TANC2: variants seen among roughly 807,000 people sequenced by gnomAD.
The protein encoded by TANC2 is protein TANC2.
A neutral mutation model predicts 210.5 loss-of-function variants in TANC2; 26 were observed. That is an observed-to-expected ratio of 0.12 (90% CI 0.09 to 0.17). The LOEUF (loss-of-function observed/expected upper bound fraction) is 0.17, where lower values mean the gene tolerates loss of function less well. TANC2 is among the 10% of genes least tolerant of loss of function. The pLI is 1.00. For missense variants in TANC2, 2,129 were observed against 2,608.9 expected, an observed-to-expected ratio of 0.82 and a Z score of 4.01; for synonymous variants, 931 against 967.1, an observed-to-expected ratio of 0.96 and a Z score of 0.69.
intron 9 of TANC2, among the ~76,000 whole-genome samples, chr17:63,282,892 A>T (rs562149116): frequency 6.6e-6 from 1 of 152,076 alleles, no homozygotes; most frequent in South Asian, 2.1e-4. Flanking sequence ...TTGATTTACA[A>T]ATATTTTTTC....
chr17:63,134,448 A>C (rs2039021928), intron 4 of TANC2, among the ~76,000 whole-genome samples: 1 of 152,208 alleles, frequency 6.6e-6, no homozygotes. Context: ...TAGGCCACTT[A>C]GCTTAAAGAT....
chr17:62,987,236 G>A (rs1054644446), intron 1 of TANC2, among the ~76,000 whole-genome samples: 2 of 152,110 alleles, frequency 1.3e-5, no homozygotes, highest in African/African-American at 4.8e-5. Context: ...CCTGGGCCCC[G>A]ACTTTGTGCT....
chr17:62,971,747 C>T (rs1165082595), intron 1 of TANC2, among the ~76,000 whole-genome samples: 3 of 152,236 alleles, frequency 2.0e-5, no homozygotes, highest in African/African-American at 7.2e-5. Flanking sequence ...GTGTGAGCAC[C>T]TCCTCCTGTC....
chr17:63,340,053 G>C (rs374200128), intron 11 of TANC2, 48 bp from the exon 12 acceptor site: 2 of 1,359,096 alleles, frequency 1.5e-6, no homozygotes, highest in Non-Finnish European at 2.1e-6. Flanking sequence ...CATAGCTATT[G>C]CTCTTACTAC....
chr17:63,146,345 A>C (rs2039462759), intron 4 of TANC2, among the ~76,000 whole-genome samples: 1 of 152,042 alleles, frequency 6.6e-6, no homozygotes, highest in South Asian at 2.1e-4. Context: ...TCTTCTGCAA[A>C]CAGATAATTT....
intron 14 of TANC2, among the ~76,000 whole-genome samples, chr17:63,373,848 G>A (rs2047342576): frequency 6.6e-6 from 1 of 152,040 alleles, no homozygotes; most frequent in South Asian, 2.1e-4. Context: ...GGGCATGGTG[G>A]TGCACGCCCA....
At chr17:63,020,559 A>G (rs993262157) in intron 2 of TANC2, among the ~76,000 whole-genome samples, 7 of 148,706 alleles carry the variant, frequency 4.7e-5, no homozygotes, top group Non-Finnish European at 1.0e-4. Context: ...ATTTCTGTCA[A>G]CAAATATTTA....
chr17:63,195,593 C>T (rs981732421), intron 6 of TANC2, among the ~76,000 whole-genome samples: 6 of 152,104 alleles, frequency 3.9e-5, no homozygotes, highest in Admixed American at 1.3e-4. Context: ...CTATTCTACC[C>T]GTTGCCGTAT....
intron 2 of TANC2, among the ~76,000 whole-genome samples, chr17:63,014,447 G>C (rs1182442795): frequency 2.0e-5 from 3 of 151,978 alleles, no homozygotes; most frequent in Non-Finnish European, 4.4e-5. Context: ...GTAATTTTTT[G>C]TTGAAGCCTG....
chr17:63,132,173 G>T (rs1163860330), intron 4 of TANC2, among the ~76,000 whole-genome samples: 1 of 151,994 alleles, frequency 6.6e-6, no homozygotes, highest in African/African-American at 2.4e-5. Flanking sequence ...ATTGAGATTT[G>T]CTGTTTAGCT....
At chr17:63,353,010 A>G in intron 13 of TANC2, among the ~76,000 whole-genome samples, 1 of 152,158 alleles carries the variant, frequency 6.6e-6, no homozygotes, top group Non-Finnish European at 1.5e-5. Flanking sequence ...GGATAACTGG[A>G]TAGTAGTTGT....
At chr17:63,222,746 CACAT>C (rs758308691) in intron 7 of TANC2, among the ~76,000 whole-genome samples, 17 of 151,872 alleles carry the variant, frequency 1.1e-4, no homozygotes, top group African/African-American at 4.1e-4. Flanking sequence ...CACACACACA[CACAT>C]ACACACTAGC....
intron 3 of TANC2, among the ~76,000 whole-genome samples, chr17:63,086,184 T>G (rs2036958868): frequency 6.6e-6 from 1 of 152,096 alleles, no homozygotes; most frequent in Admixed American, 6.6e-5. Flanking sequence ...TTTTCTGAAG[T>G]TTGAATGTGT....
At chr17:62,968,430 A>G (rs1362255744) in intron 1 of TANC2, 1 of 152,212 alleles carries the variant, frequency 6.6e-6, no homozygotes. Flanking sequence ...CATTTGCTTC[A>G]AAGACAAAAA....
At chr17:63,118,488 A>G (rs1312085247) in intron 4 of TANC2, among the ~76,000 whole-genome samples, 1 of 152,170 alleles carries the variant, frequency 6.6e-6, no homozygotes, top group African/African-American at 2.4e-5. Flanking sequence ...TAACTTAGAA[A>G]TGTCTTGAAA....
At chr17:63,355,137 C>T (rs1432072520) in exon 14 of TANC2, 4 of 1,613,798 alleles carry the variant, frequency 2.5e-6, no homozygotes, top group Non-Finnish European at 3.4e-6. Context: ...TTCCTTTGAC[C>T]GGGTGATGCC....
In TANC2 at chr17:63,389,558, A is replaced by C. The variant is rs2047895322; in HGVS notation, c.3051+14A>C. 1.3e-6 allele frequency: 2 copies of C among 1,590,152 alleles called. No individual in the cohort carries two copies. Among genetic ancestry groups the C allele is most frequent in the Non-Finnish European group, 1.7e-6 (2 of 1,167,076 alleles). Reference sequence around the variant, plus strand: ...AAACGGGCCAAGGTACTGGCTGCCCAGCTCTGCTGCTTTTCTTCCCTTTTT... The same window carrying C: ...AAACGGGCCAAGGTACTGGCTGCCCCGCTCTGCTGCTTTTCTTCCCTTTTT... On this transcript the variant is annotated intron_variant, in intron 17 of 27. Transcript: ENST00000689528.
intron 7 of TANC2, among the ~76,000 whole-genome samples, chr17:63,222,814 A>G (rs1210884477): frequency 2.0e-5 from 3 of 152,328 alleles, no homozygotes; most frequent in Middle Eastern, 3.4e-3. Flanking sequence ...GAAAACAGGT[A>G]GTCAAACAGA....
intron 5 of TANC2, among the ~76,000 whole-genome samples, chr17:63,184,922 G>A (rs776309028): frequency 2.0e-5 from 3 of 151,524 alleles, no homozygotes; most frequent in Non-Finnish European, 1.5e-5. Context: ...GTGAGCCACT[G>A]CACCCAGCCC....
Sources: gnomAD v4.1 joint callset for allele counts (sites outside exome capture counted in the v4.1 genomes callset) on GRCh38, gnomAD v4.1.1 for gene constraint, MANE v1.5 for transcripts, NCBI Gene and HGNC (gene_info 2026-07-23, HGNC 2026-07-21) for gene names.